SIPA1L1: variants seen among roughly 807,000 people sequenced by gnomAD.
The protein encoded by SIPA1L1 is signal induced proliferation associated 1 like 1.
Under a neutral mutation model 162.7 loss-of-function variants are expected in SIPA1L1, and 26 were observed. The ratio of observed to expected loss-of-function variants is 0.16; its 90% CI spans 0.12 to 0.22. The LOEUF is 0.22. Ranked by LOEUF, SIPA1L1 falls within the 10% of genes least tolerant of loss-of-function variation. The pLI, the probability that SIPA1L1 is intolerant of heterozygous loss-of-function variation, is 1.00. For synonymous variants in SIPA1L1, 829 were observed against 837.4 expected (o/e 0.99, Z 0.17); for missense variants, 1,874 against 2,241.0 (o/e 0.84, Z 3.31).
At chr14:71,728,201 C>T (rs2084420835) in intron 19 of SIPA1L1, among the ~76,000 whole-genome samples, 1 of 152,168 alleles carries the variant, frequency 6.6e-6, no homozygotes, top group Non-Finnish European at 1.5e-5. Flanking sequence ...ATGTGATAGT[C>T]CTAGAACCTT....
chr14:71,461,280 G>C (rs2046583553), intron 2 of SIPA1L1, among the ~76,000 whole-genome samples: 1 of 107,822 alleles, frequency 9.3e-6, no homozygotes, highest in South Asian at 2.7e-4. Context: ...TCTGCAGCTG[G>C]CAAATTGGGC....
intron 4 of SIPA1L1, among the ~76,000 whole-genome samples, chr14:71,578,496 C>T (rs191840009): frequency 7.4e-4 from 113 of 152,300 alleles, no homozygotes; most frequent in Non-Finnish European, 1.4e-3. Context: ...TTGAGTATAA[C>T]TTTTGATTCC....
At position 71,356,567 on chromosome 14, in the gene SIPA1L1, C is replaced by CAAAAAAAA. The variant is rs71105772; in HGVS notation, c.-465+35399_-465+35406dup. On this transcript the variant is annotated intron_variant, in intron 2 of 23. Transcript: ENST00000381232. ...GCAACATAGCAAGACCTTGTCTCTA[C>CAAAAAAAA]AAAAAAAAAAAAAAAAAAAAGCACA... 5.4e-4 allele frequency among the ~76,000 whole-genome samples: 21 copies of CAAAAAAAA among 39,158 alleles called. 5 individuals carry two copies. The highest frequency in any genetic ancestry group is 8.7e-4 in the African/African-American group (8 of 9,168). The allele number at this position is 39,158 out of a possible 152,430, so 25.7% of individuals were successfully genotyped here. A position where few individuals can be genotyped will look rare whatever the true frequency, so the allele number is the denominator to read the frequency against.
At chr14:71,601,765 G>C (rs1250935043) in intron 5 of SIPA1L1, among the ~76,000 whole-genome samples, 1 of 152,038 alleles carries the variant, frequency 6.6e-6, no homozygotes, top group African/African-American at 2.4e-5. Flanking sequence ...CTTATAACTT[G>C]TTATTGTTTT....
intron 2 of SIPA1L1, among the ~76,000 whole-genome samples, chr14:71,468,596 C>T (rs1377868697): frequency 6.6e-6 from 1 of 152,194 alleles, no homozygotes; most frequent in Non-Finnish European, 1.5e-5. Context: ...ATCCAAACAC[C>T]TCCCACCAGG....
intron 2 of SIPA1L1, among the ~76,000 whole-genome samples, chr14:71,463,459 G>A (rs2046760434): frequency 2.0e-5 from 3 of 152,118 alleles, no homozygotes; most frequent in African/African-American, 7.2e-5. Flanking sequence ...GACGTTTTGG[G>A]TCCCCTGGAA....
At chr14:71,502,219 T>A in intron 2 of SIPA1L1, among the ~76,000 whole-genome samples, 1 of 137,494 alleles carries the variant, frequency 7.3e-6, no homozygotes. Context: ...GGTTTTACTA[T>A]CATGAGAGCC....
At chr14:71,691,612 GT>G (rs1191443760) in intron 13 of SIPA1L1, among the ~76,000 whole-genome samples, 1 of 152,048 alleles carries the variant, frequency 6.6e-6, no homozygotes. Context: ...GTTTGTCTAT[GT>G]GGACTTGCCT....
At chr14:71,618,242 C>T (rs2039049543) in intron 5 of SIPA1L1, among the ~76,000 whole-genome samples, 1 of 152,248 alleles carries the variant, frequency 6.6e-6, no homozygotes, top group Non-Finnish European at 1.5e-5. Context: ...AGCTCCTACT[C>T]CACCATACAC....
chr14:71,575,310 C>T (rs553968560), intron 4 of SIPA1L1, among the ~76,000 whole-genome samples: 2 of 152,186 alleles, frequency 1.3e-5, no homozygotes, highest in East Asian at 3.9e-4. Flanking sequence ...ACTGTCTGTG[C>T]CCCCAGCCCA....
At chr14:71,506,564 C>T (rs2050687107) in intron 2 of SIPA1L1, among the ~76,000 whole-genome samples, 1 of 152,086 alleles carries the variant, frequency 6.6e-6, no homozygotes, top group Non-Finnish European at 1.5e-5. Flanking sequence ...AGGTCTCGAA[C>T]TCTTGACCTC....
chr14:71,462,634 T>C (rs2046690424), intron 2 of SIPA1L1, among the ~76,000 whole-genome samples: 1 of 152,140 alleles, frequency 6.6e-6, no homozygotes, highest in Non-Finnish European at 1.5e-5. Context: ...TTTACTGAAG[T>C]GGAAGGTCCC....
At chr14:71,352,973 T>G (rs1343589208) in intron 2 of SIPA1L1, among the ~76,000 whole-genome samples, 3 of 152,196 alleles carry the variant, frequency 2.0e-5, no homozygotes, top group Admixed American at 6.5e-5. Flanking sequence ...AACCACTTTT[T>G]GGTGTGATGG....
At chr14:71,353,126 C>A (rs1227285209) in intron 2 of SIPA1L1, among the ~76,000 whole-genome samples, 1 of 152,232 alleles carries the variant, frequency 6.6e-6, no homozygotes, top group Non-Finnish European at 1.5e-5. Context: ...ATACCACATT[C>A]ATTATTGATT....
chr14:71,419,487 T>TA (rs2043028449), intron 2 of SIPA1L1, among the ~76,000 whole-genome samples: 1 of 127,644 alleles, frequency 7.8e-6, no homozygotes, highest in Non-Finnish European at 1.7e-5. Context: ...TCTCTTTTTT[T>TA]TTTTTTTTTT....
chr14:71,394,628 A>G (rs547950180), intron 2 of SIPA1L1, among the ~76,000 whole-genome samples: 1 of 152,330 alleles, frequency 6.6e-6, no homozygotes, highest in East Asian at 1.9e-4. Context: ...ACCTCATCCA[A>G]AAACAAACTG....
At chr14:71,618,032 G>T (rs1360507179) in intron 5 of SIPA1L1, among the ~76,000 whole-genome samples, 1 of 152,178 alleles carries the variant, frequency 6.6e-6, no homozygotes, top group Non-Finnish European at 1.5e-5. Context: ...CAAGAGAAAG[G>T]TAAATTCAGC....
At chr14:71,481,270 C>G (rs1025130008) in intron 2 of SIPA1L1, among the ~76,000 whole-genome samples, 3 of 152,040 alleles carry the variant, frequency 2.0e-5, no homozygotes, top group Admixed American at 1.3e-4. Flanking sequence ...CTTGAACTCA[C>G]GAGTCAGAGA....
chr14:71,615,294 T>C (rs1037064511), intron 5 of SIPA1L1, among the ~76,000 whole-genome samples: 1 of 152,198 alleles, frequency 6.6e-6, no homozygotes, highest in Non-Finnish European at 1.5e-5. Context: ...GAGCTGAGGC[T>C]GGAGTGATTG....
Sources: allele counts gnomAD v4.1 joint callset (sites outside exome capture counted in the v4.1 genomes callset), GRCh38; gene constraint gnomAD v4.1.1; transcripts MANE v1.5; gene names NCBI Gene and HGNC (gene_info 2026-07-23, HGNC 2026-07-21).